Variants in ATP11C observed in about 807,000 individuals in gnomAD.
The protein encoded by ATP11C is ATPase phospholipid transporting 11C (ATP11C blood group), also known as phospholipid-transporting ATPase IG.
A neutral mutation model predicts 97.4 loss-of-function variants in ATP11C; 36 were observed. The observed-to-expected ratio is 0.37, with a 90% confidence interval of 0.28 to 0.49. ATP11C has a LOEUF of 0.49. Among genes scored for constraint, ATP11C ranks in the 20% least tolerant of loss-of-function variants. The pLI is 0.98. For missense variants in ATP11C, 730 were observed against 824.6 expected (o/e 0.89, Z 1.40); for synonymous variants, 275 against 290.9 (o/e 0.95, Z 0.56).
chrX:139,857,341 G>A (rs1278039050), intron 1 of ATP11C, among the ~76,000 whole-genome samples: 1 of 112,033 alleles, frequency 8.9e-6, no homozygotes, highest in Non-Finnish European at 1.9e-5. Flanking sequence ...TTAGATATGA[G>A]TTCTAAATTT....
chrX:139,862,573 T>C (rs2084219105), intron 1 of ATP11C, among the ~76,000 whole-genome samples: 1 of 112,089 alleles, frequency 8.9e-6, no homozygotes, highest in Non-Finnish European at 1.9e-5. Context: ...ATTGTTGTTG[T>C]GTTGTTGGTG....
intron 27 of ATP11C, among the ~76,000 whole-genome samples, chrX:139,739,007 G>A (rs1326745975): frequency 1.8e-5 from 2 of 111,368 alleles, no homozygotes; most frequent in African/African-American, 6.5e-5. Flanking sequence ...TGATAAAACT[G>A]AGTTTGTGGC....
chrX:139,868,778 C>G (rs1053091321), intron 1 of ATP11C, among the ~76,000 whole-genome samples: 1 of 107,667 alleles, frequency 9.3e-6, no homozygotes, highest in Non-Finnish European at 1.9e-5. Flanking sequence ...TAGCAAAAAA[C>G]CAAATAGCCC....
At chrX:139,774,007 G>C (rs987661872) in intron 19 of ATP11C, among the ~76,000 whole-genome samples, 2 of 112,586 alleles carry the variant, frequency 1.8e-5, no homozygotes, top group African/African-American at 6.5e-5. Flanking sequence ...AGTTAGTACA[G>C]ACACATCCAG....
intron 1 of ATP11C, among the ~76,000 whole-genome samples, chrX:139,898,061 A>G (rs993646108): frequency 2.7e-5 from 3 of 111,731 alleles, no homozygotes; most frequent in African/African-American, 6.5e-5. Flanking sequence ...AGCAAGTACT[A>G]TCACTTGCTG....
intron 1 of ATP11C, 50 bp from the exon 2 acceptor site, chrX:139,826,873 C>G (rs775515509): frequency 8.7e-7 from 1 of 1,144,912 alleles, no homozygotes; most frequent in Admixed American, 2.4e-5. Context: ...CATTTGTCCA[C>G]ACTTCTACCA....
intron 1 of ATP11C, among the ~76,000 whole-genome samples, chrX:139,837,954 G>A (rs1400085037): frequency 8.9e-6 from 1 of 112,064 alleles, no homozygotes; most frequent in African/African-American, 3.2e-5. Context: ...AAATACAAAT[G>A]TGTCAAACCA....
In ATP11C at chrX:139,782,562, G is replaced by A. The variant is rs754479098; in HGVS notation, c.1937C>T (p.Thr646Ile). The A allele has an allele frequency of 8.3e-7, 1 of 1,200,531 alleles. No individual in the cohort carries two copies. Among genetic ancestry groups the A allele is most frequent in the Admixed American group, 2.2e-5 (1 of 44,920 alleles). Residue 646 changes from threonine to isoleucine, a missense_variant, in exon 18 of 30, where the codon ACT becomes ATT. Coordinates refer to ENST00000682941, the MANE Select transcript of ATP11C (RefSeq NM_001353812.2). ...TTCTAGTTACTTGTCTTCAACTGCAGTGGCTCCAATTAAATTCATGTTTGT... is the reference window on the plus strand; with the variant it reads ...TTCTAGTTACTTGTCTTCAACTGCAATGGCTCCAATTAAATTCATGTTTGT... ...IETNMNLIGA[T>I]AVEDKLQDQA...
chrX:139,749,451 A>G (rs904036115), intron 24 of ATP11C, among the ~76,000 whole-genome samples: 3 of 112,313 alleles, frequency 2.7e-5, no homozygotes, highest in African/African-American at 6.5e-5. Context: ...CAATTAAATC[A>G]TAAGTTAAAC....
chrX:139,778,785 C>A (rs111530075), intron 18 of ATP11C, among the ~76,000 whole-genome samples: 1 of 111,303 alleles, frequency 9.0e-6, no homozygotes, highest in African/African-American at 3.3e-5. Context: ...GCCAGGATTG[C>A]GCCGCTGCAC....
chrX:139,888,672 T>C (rs1569486270), intron 1 of ATP11C, among the ~76,000 whole-genome samples: 1 of 111,213 alleles, frequency 9.0e-6, no homozygotes, highest in Admixed American at 9.6e-5. Flanking sequence ...TGAAAAATAG[T>C]TGGGCAGCTT....
At chrX:139,899,734 A>T (rs1036559567) in intron 1 of ATP11C, among the ~76,000 whole-genome samples, 16 of 111,323 alleles carry the variant, frequency 1.4e-4, no homozygotes, top group African/African-American at 2.6e-4. Flanking sequence ...TAAAATAAAA[A>T]TTTTTTTTAA....
At chrX:139,855,242 T>A (rs2084070260) in intron 1 of ATP11C, among the ~76,000 whole-genome samples, 2 of 111,894 alleles carry the variant, frequency 1.8e-5, no homozygotes, top group Admixed American at 9.5e-5. Context: ...GACTATAAAG[T>A]CCACTGCTGA....
rs933585024 is a variant in ATP11C, at chrX:139,763,274, C to G, written c.2494+42G>C. 3 of 1,042,966 alleles carry G rather than the reference C, an allele frequency of 2.9e-6. No homozygotes were observed. In the South Asian group the frequency reaches 5.8e-5, roughly 20 times the overall value. 86.0% of individuals were successfully genotyped at this position (1,042,966 alleles called of 1,213,427 possible). On this transcript the variant is annotated intron_variant, in intron 21 of 29. Coordinates refer to ENST00000682941, the MANE Select transcript of ATP11C (RefSeq NM_001353812.2). ...AAGACCACACTACCTAAAAGCAATACTGATACTTTTCACAGCTGCCATCTC... is the reference window on the plus strand; with the variant it reads ...AAGACCACACTACCTAAAAGCAATAGTGATACTTTTCACAGCTGCCATCTC...
At chrX:139,924,874 C>G (rs1032827187) in intron 1 of ATP11C, among the ~76,000 whole-genome samples, 6 of 111,837 alleles carry the variant, frequency 5.4e-5, no homozygotes, top group Admixed American at 2.9e-4. Context: ...AGCCTTTTCC[C>G]GTTACTGACT....
chrX:139,750,265 G>T, intron 23 of ATP11C, 113 bp from the exon 24 acceptor site: 1 of 709,891 alleles, frequency 1.4e-6, no homozygotes, highest in Non-Finnish European at 2.0e-6. Flanking sequence ...TTTTTTACAT[G>T]CTTTTGGTAG....
chrX:139,859,043 C>A (rs2084139800), intron 1 of ATP11C, among the ~76,000 whole-genome samples: 1 of 111,929 alleles, frequency 8.9e-6, no homozygotes, highest in Non-Finnish European at 1.9e-5. Flanking sequence ...TTTTTAAATT[C>A]AAACATATGT....
intron 5 of ATP11C, among the ~76,000 whole-genome samples, chrX:139,814,658 G>A (rs191860492): frequency 9.9e-5 from 11 of 111,219 alleles, no homozygotes; most frequent in Admixed American, 1.9e-4. Context: ...ACATCCATAG[G>A]GACAGAAAGA....
intron 1 of ATP11C, among the ~76,000 whole-genome samples, chrX:139,922,329 T>G (rs1340307584): frequency 5.0e-5 from 5 of 99,602 alleles, no homozygotes; most frequent in Non-Finnish European, 1.0e-4. Context: ...AGAGCATCTA[T>G]GTATGGGAAG....
Sources: allele counts gnomAD v4.1 joint callset (sites outside exome capture counted in the v4.1 genomes callset), GRCh38; gene constraint gnomAD v4.1.1; transcripts MANE v1.5; gene names NCBI Gene and HGNC (gene_info 2026-07-23, HGNC 2026-07-21).